PRH1: variants seen among roughly 807,000 people sequenced by gnomAD.
PRH1 encodes the protein proline rich protein HaeIII subfamily 1, also known as salivary acidic proline-rich phosphoprotein 1/2.
Under a neutral mutation model 7.9 loss-of-function variants are expected in PRH1, and 7 were observed. The observed-to-expected ratio is 0.89, with a 90% CI of 0.50 to 1.67. The LOEUF (loss-of-function observed/expected upper bound fraction) is 1.67, where lower values mean the gene tolerates loss of function less well. Ranked by LOEUF, PRH1 falls within the 40% of genes most tolerant of loss-of-function variation. The probability of loss-of-function intolerance (pLI) is 0.00; values close to 1 mark genes in which losing one functional copy is unlikely to be tolerated. For missense variants in PRH1, 109 were observed against 223.6 expected, an observed-to-expected ratio of 0.49 and a Z score of 3.27; for synonymous variants, 45 against 80.8, an observed-to-expected ratio of 0.56 and a Z score of 2.38.
intron 1 of PRH1, among the ~76,000 whole-genome samples, chr12:11,129,520 T>C (rs1347731394): frequency 2.6e-5 from 4 of 152,404 alleles, no homozygotes; most frequent in Admixed American, 2.0e-4. Context: ...CAGGGGATGG[T>C]AGTCTTTTCT....
At chr12:10,964,203 TTA>T (rs1291061390) in intron 2 of PRH1, among the ~76,000 whole-genome samples, 7 of 152,220 alleles carry the variant, frequency 4.6e-5, no homozygotes, top group East Asian at 1.9e-4. Flanking sequence ...TAAAAAATGA[TTA>T]TGTTATTGCC....
At chr12:11,009,641 T>C (rs1940981601) in intron 1 of PRH1, among the ~76,000 whole-genome samples, 1 of 151,858 alleles carries the variant, frequency 6.6e-6, no homozygotes, top group African/African-American at 2.4e-5. Context: ...GGTCAGATAA[T>C]AGAATAAAAG....
At chr12:11,135,224 GACT>G (rs1946512210) in intron 1 of PRH1, among the ~76,000 whole-genome samples, 1 of 152,090 alleles carries the variant, frequency 6.6e-6, no homozygotes, top group Non-Finnish European at 1.5e-5. Flanking sequence ...CACGAAGACT[GACT>G]ACCTTTCCCC....
upstream of PRH1, among the ~76,000 whole-genome samples, chr12:10,885,171 A>G (rs1383967373): frequency 6.6e-6 from 1 of 152,218 alleles, no homozygotes; most frequent in Admixed American, 6.5e-5. Context: ...TTATACATTC[A>G]TCTAAGATAA....
chr12:10,970,312 A>ATT (rs918780808), intron 2 of PRH1, among the ~76,000 whole-genome samples: 25 of 152,304 alleles, frequency 1.6e-4, no homozygotes, highest in African/African-American at 6.0e-4. Flanking sequence ...TATGACTGAA[A>ATT]TTATTTTATT....
chr12:11,093,749 A>C (rs1945000497), intron 1 of PRH1, among the ~76,000 whole-genome samples: 1 of 115,216 alleles, frequency 8.7e-6, no homozygotes. Context: ...TGATAAACAA[A>C]AAATTACTAC....
chr12:11,086,586 A>C (rs190793118), intron 1 of PRH1, among the ~76,000 whole-genome samples: 326 of 151,336 alleles, frequency 2.2e-3, no homozygotes, highest in Admixed American at 0.018. Flanking sequence ...TCCATTTTAC[A>C]ACTACTGCCT....
At chr12:11,150,062 T>G (rs71453438) in intron 1 of PRH1, among the ~76,000 whole-genome samples, 1 of 131,872 alleles carries the variant, frequency 7.6e-6, no homozygotes, top group Non-Finnish European at 1.7e-5. Context: ...AAAAAACACA[T>G]GAAAAAATGC....
intron 1 of PRH1, among the ~76,000 whole-genome samples, chr12:11,071,175 C>T (rs1479734912): frequency 4.0e-5 from 6 of 151,376 alleles, no homozygotes; most frequent in East Asian, 3.9e-4. Flanking sequence ...CAAACACACC[C>T]ACCACAGAAT....
chr12:10,997,856 A>T, intron 1 of PRH1: 1 of 1,601,276 alleles, frequency 6.2e-7, no homozygotes, highest in Non-Finnish European at 8.5e-7. Context: ...GGAAAAAACA[A>T]TGTGTAGAAA....
intron 1 of PRH1, among the ~76,000 whole-genome samples, chr12:11,026,569 A>C (rs914197856): frequency 6.6e-5 from 10 of 152,050 alleles, no homozygotes; most frequent in African/African-American, 2.4e-4. Flanking sequence ...ATAAAATATA[A>C]TAACCGCATT....
At chr12:11,033,984 G>C (rs567931983) in intron 1 of PRH1, among the ~76,000 whole-genome samples, 1 of 149,746 alleles carries the variant, frequency 6.7e-6, no homozygotes, top group South Asian at 2.1e-4. Flanking sequence ...ACCCTTCTTC[G>C]CATCTCCTGA....
At chr12:10,904,094 G>C (rs1295655185) in intron 2 of PRH1, among the ~76,000 whole-genome samples, 1 of 151,338 alleles carries the variant, frequency 6.6e-6, no homozygotes, top group Admixed American at 6.6e-5. Flanking sequence ...ATGGTTGTAC[G>C]GCCCAAAGCA....
intron 1 of PRH1, among the ~76,000 whole-genome samples, chr12:11,005,779 A>C (rs961532461): frequency 1.3e-5 from 2 of 152,084 alleles, no homozygotes; most frequent in Admixed American, 1.3e-4. Context: ...AATATTTATA[A>C]ACTTATCTCT....
chr12:11,064,283 C>A (rs553996603), intron 1 of PRH1, among the ~76,000 whole-genome samples: 1 of 152,314 alleles, frequency 6.6e-6, no homozygotes, highest in East Asian at 1.9e-4. Context: ...ACATGTTCTT[C>A]TTGTTTGTGG....
chr12:11,135,038 C>T (rs1339953775), intron 1 of PRH1, among the ~76,000 whole-genome samples: 1 of 152,162 alleles, frequency 6.6e-6, no homozygotes, highest in African/African-American at 2.4e-5. Context: ...TCAAGGTTTT[C>T]AGCCCACGAA....
chr12:11,021,952 T>C (rs767767305), intron 1 of PRH1: 3 of 1,613,700 alleles, frequency 1.9e-6, no homozygotes, highest in Non-Finnish European at 8.5e-7. Context: ...CCGCATCTTC[T>C]TGAGATGTTT....
chr12:10,963,063 C>T (rs1938327592), intron 2 of PRH1, among the ~76,000 whole-genome samples: 1 of 152,198 alleles, frequency 6.6e-6, no homozygotes, highest in Non-Finnish European at 1.5e-5. Context: ...AGCCACCGAC[C>T]CCGACCAGGG....
At chr12:11,097,764 G>A (rs1945105774) in intron 1 of PRH1, among the ~76,000 whole-genome samples, 1 of 113,700 alleles carries the variant, frequency 8.8e-6, no homozygotes, top group Admixed American at 8.9e-5. Context: ...ATGATGGCAG[G>A]TGAAAGGGAG....
Sources: allele counts gnomAD v4.1 joint callset (sites outside exome capture counted in the v4.1 genomes callset), GRCh38; gene constraint gnomAD v4.1.1; transcripts MANE v1.5; gene names NCBI Gene and HGNC (gene_info 2026-07-23, HGNC 2026-07-21).